Variants in CTNNA3 observed in about 807,000 individuals in gnomAD.
CTNNA3 encodes the protein catenin alpha 3, also known as catenin alpha-3.
In CTNNA3, 76 loss-of-function variants were observed where a neutral mutation model predicts 95.7. That is an observed-to-expected ratio of 0.79 (90% CI 0.66 to 0.96). The LOEUF (loss-of-function observed/expected upper bound fraction) is 0.96, where lower values mean the gene tolerates loss of function less well. Ranked by LOEUF, CTNNA3 falls within the 40% of genes least tolerant of loss-of-function variation. CTNNA3 has a pLI of 0.00. For synonymous variants in CTNNA3, 431 were observed against 374.4 expected (o/e 1.15, Z -1.74); for missense variants, 1,191 against 1,089.8 (o/e 1.09, Z -1.31).
At chr10:66,521,001 AT>A (rs1227848633) in intron 10 of CTNNA3, among the ~76,000 whole-genome samples, 1 of 151,426 alleles carries the variant, frequency 6.6e-6, no homozygotes, top group Non-Finnish European at 1.5e-5. Context: ...ATTTAAAAAA[AT>A]CTGTAAAGAT....
intron 10 of CTNNA3, among the ~76,000 whole-genome samples, chr10:66,602,272 G>C (rs888317904): frequency 6.6e-6 from 1 of 151,806 alleles, no homozygotes; most frequent in Admixed American, 6.6e-5. Flanking sequence ...TTTCATTTCA[G>C]CCTCACATTT....
intron 5 of CTNNA3, among the ~76,000 whole-genome samples, chr10:67,320,980 G>C (rs1312240690): frequency 1.3e-5 from 2 of 152,064 alleles, no homozygotes; most frequent in African/African-American, 4.8e-5. Flanking sequence ...AAATTACTTA[G>C]CAATAGCTTC....
intron 7 of CTNNA3, among the ~76,000 whole-genome samples, chr10:66,944,005 G>T (rs956759790): frequency 6.6e-6 from 1 of 152,116 alleles, no homozygotes; most frequent in Non-Finnish European, 1.5e-5. Context: ...TCAGGGTGGT[G>T]GTTGCTAAAA....
At chr10:66,247,332 A>G (rs1391938827) in intron 13 of CTNNA3, among the ~76,000 whole-genome samples, 3 of 152,176 alleles carry the variant, frequency 2.0e-5, no homozygotes, top group Non-Finnish European at 2.9e-5. Context: ...CACAGCTAGC[A>G]TTGCTGGACC....
chr10:67,206,775 C>T (rs1863919408), intron 6 of CTNNA3, among the ~76,000 whole-genome samples: 1 of 151,278 alleles, frequency 6.6e-6, no homozygotes, highest in African/African-American at 2.4e-5. Flanking sequence ...AGAATTCAGT[C>T]TCTACTGAAC....
At chr10:66,992,518 G>A (rs987395070) in intron 7 of CTNNA3, among the ~76,000 whole-genome samples, 1 of 150,742 alleles carries the variant, frequency 6.6e-6, no homozygotes, top group East Asian at 2.0e-4. Flanking sequence ...TGTTCTTCCA[G>A]TTTGTGGCTT....
At chr10:66,464,116 G>C (rs1006503386) in intron 11 of CTNNA3, among the ~76,000 whole-genome samples, 1 of 151,934 alleles carries the variant, frequency 6.6e-6, no homozygotes, top group East Asian at 1.9e-4. Flanking sequence ...AAGTATGTTC[G>C]TTAGGCAAAA....
At chr10:66,515,345 C>CTCTATATATATATATATA (rs558913767) in intron 11 of CTNNA3, among the ~76,000 whole-genome samples, 1 of 148,894 alleles carries the variant, frequency 6.7e-6, no homozygotes. Flanking sequence ...CTCTCTCTCT[C>CTCTATATATATATATATA]TATATATATA....
At chr10:66,403,576 A>G (rs1266629531) in intron 11 of CTNNA3, among the ~76,000 whole-genome samples, 1 of 152,102 alleles carries the variant, frequency 6.6e-6, no homozygotes, top group African/African-American at 2.4e-5. Context: ...ATCACCTTCC[A>G]CCATGTCCCT....
intron 7 of CTNNA3, among the ~76,000 whole-genome samples, chr10:66,874,116 GTCA>G (rs1554869134): frequency 6.6e-6 from 1 of 151,508 alleles, no homozygotes; most frequent in African/African-American, 2.4e-5. Flanking sequence ...TCAAGTCACA[GTCA>G]TTCAATGAGA....
intron 7 of CTNNA3, among the ~76,000 whole-genome samples, chr10:66,871,573 A>C (rs1214486316): frequency 1.3e-5 from 2 of 151,628 alleles, no homozygotes; most frequent in Non-Finnish European, 2.9e-5. Context: ...AAAAAAAAAA[A>C]AAAAAAAAAA....
chr10:66,780,536 T>C (rs1439551859), intron 7 of CTNNA3, among the ~76,000 whole-genome samples: 3 of 152,136 alleles, frequency 2.0e-5, no homozygotes, highest in African/African-American at 7.2e-5. Flanking sequence ...GAAATTGTCA[T>C]TTCAAGGAGA....
chr10:67,558,144 T>C (rs1337134586), intron 3 of CTNNA3, among the ~76,000 whole-genome samples: 3 of 152,178 alleles, frequency 2.0e-5, no homozygotes, highest in Non-Finnish European at 2.9e-5. Context: ...GTCTCACAGG[T>C]ATGCATCTTT....
chr10:67,232,954 G>T (rs1865288604), intron 5 of CTNNA3, among the ~76,000 whole-genome samples: 1 of 152,132 alleles, frequency 6.6e-6, no homozygotes, highest in African/African-American at 2.4e-5. Flanking sequence ...TCAACAAGAA[G>T]AGCTAACTAT....
chr10:65,994,522 G>A (rs2078611252), intron 15 of CTNNA3, among the ~76,000 whole-genome samples: 1 of 151,658 alleles, frequency 6.6e-6, no homozygotes, highest in Non-Finnish European at 1.5e-5. Flanking sequence ...TCTGCTGTTA[G>A]TTTTAATAAG....
At chr10:66,349,110 G>T (rs913111450) in intron 12 of CTNNA3, among the ~76,000 whole-genome samples, 25 of 152,190 alleles carry the variant, frequency 1.6e-4, no homozygotes, top group African/African-American at 5.5e-4. Flanking sequence ...TTCTTGTCCT[G>T]ATGGAGTCTC....
At chr10:67,221,649 A>T (rs1469271783) in intron 5 of CTNNA3, among the ~76,000 whole-genome samples, 1 of 151,958 alleles carries the variant, frequency 6.6e-6, no homozygotes, top group Non-Finnish European at 1.5e-5. Context: ...ATCTAGGCTC[A>T]CTGCAAGCTC....
At chr10:66,357,653 T>C (rs12769894) in intron 12 of CTNNA3, among the ~76,000 whole-genome samples, 16,182 of 152,208 alleles carry the variant, frequency 0.11, 1,055 homozygotes, top group East Asian at 0.26. Flanking sequence ...TTTCCAAGTA[T>C]TATTATACTT....
intron 16 of CTNNA3, among the ~76,000 whole-genome samples, chr10:65,974,024 A>G (rs1212405430): frequency 6.6e-6 from 1 of 152,198 alleles, no homozygotes; most frequent in Non-Finnish European, 1.5e-5. Flanking sequence ...AGAAATGCAA[A>G]TCAAACCAAA....
Sources: allele counts gnomAD v4.1 joint callset (sites outside exome capture counted in the v4.1 genomes callset), GRCh38; gene constraint gnomAD v4.1.1; transcripts MANE v1.5; gene names NCBI Gene and HGNC (gene_info 2026-07-23, HGNC 2026-07-21).